The following ALK variants were observed in gnomAD, a reference collection of about 807,000 sequenced individuals.
ALK encodes the protein ALK receptor tyrosine kinase, also known as ALK tyrosine kinase receptor.
ALK carries 74 observed loss-of-function variants against 163.1 expected under a neutral mutation model. That is an observed-to-expected ratio of 0.45 (90% CI 0.38 to 0.55). The LOEUF (loss-of-function observed/expected upper bound fraction) is 0.55, where lower values mean the gene tolerates loss of function less well. Among genes scored for constraint, ALK ranks in the 20% least tolerant of loss-of-function variants. The pLI is 0.00. For synonymous variants in ALK, 960 were observed against 843.2 expected, an observed-to-expected ratio of 1.14 and a Z score of -2.40; for missense variants, 2,063 against 2,105.3, an observed-to-expected ratio of 0.98 and a Z score of 0.39.
At chr2:29,883,128 TAAAAGAAAAAAAGA>T (rs560293524) in intron 1 of ALK, among the ~76,000 whole-genome samples, 11 of 141,898 alleles carry the variant, frequency 7.8e-5, no homozygotes, top group African/African-American at 2.9e-4. Flanking sequence ...GAAGGGAAGG[TAAAAGAAAAAAAGA>T]AAAAGAAAAA....
chr2:29,723,179 C>A (rs1679470320), intron 1 of ALK, among the ~76,000 whole-genome samples: 1 of 152,226 alleles, frequency 6.6e-6, no homozygotes, highest in East Asian at 1.9e-4. Context: ...TCTCTAACCT[C>A]ATTTGCAACC....
chr2:29,500,110 T>C (rs1325492750), intron 4 of ALK, among the ~76,000 whole-genome samples: 4 of 151,984 alleles, frequency 2.6e-5, no homozygotes, highest in Non-Finnish European at 5.9e-5. Context: ...GATCCCAGAG[T>C]TCCTTGATGG....
chr2:29,685,372 G>A (rs772791261), intron 3 of ALK, among the ~76,000 whole-genome samples: 1 of 152,036 alleles, frequency 6.6e-6, no homozygotes, highest in South Asian at 2.1e-4. Context: ...AGGTGCTTTC[G>A]GTACTTCTTG....
intron 5 of ALK, among the ~76,000 whole-genome samples, chr2:29,338,929 A>C (rs1558681796): frequency 1.3e-5 from 2 of 152,220 alleles, no homozygotes; most frequent in African/African-American, 4.8e-5. Flanking sequence ...TGTGCCCAGC[A>C]CTGGGGTGAC....
intron 5 of ALK, among the ~76,000 whole-genome samples, chr2:29,359,243 G>C (rs1668331480): frequency 6.6e-6 from 1 of 152,244 alleles, no homozygotes; most frequent in African/African-American, 2.4e-5. Context: ...TTCCTGGATG[G>C]AGTCAAGGTT....
At chr2:29,209,542 CAAAAAAAA>C (rs76343130) in intron 25 of ALK, among the ~76,000 whole-genome samples, 2 of 80,162 alleles carry the variant, frequency 2.5e-5, no homozygotes, top group Non-Finnish European at 5.8e-5. Flanking sequence ...AACTCCGTCT[CAAAAAAAA>C]AAAAAAAAAA....
intron 1 of ALK, among the ~76,000 whole-genome samples, chr2:29,827,624 A>C (rs1665239038): frequency 6.6e-6 from 1 of 152,206 alleles, no homozygotes; most frequent in South Asian, 2.1e-4. Context: ...TAAGAAACTG[A>C]TTCCACAGCC....
At chr2:29,568,349 G>C (rs963398958) in intron 3 of ALK, among the ~76,000 whole-genome samples, 2 of 152,178 alleles carry the variant, frequency 1.3e-5, no homozygotes, top group Non-Finnish European at 1.5e-5. Flanking sequence ...TTTTGACAAC[G>C]GCATAGTGAC....
At chr2:29,455,209 C>A (rs943410061) in intron 4 of ALK, among the ~76,000 whole-genome samples, 2 of 152,122 alleles carry the variant, frequency 1.3e-5, no homozygotes, top group Non-Finnish European at 1.5e-5. Context: ...CAGGAGGTGG[C>A]GGGAACAGTG....
chr2:29,216,676 T>C (rs922254156), intron 23 of ALK, among the ~76,000 whole-genome samples: 1 of 26,864 alleles, frequency 3.7e-5, no homozygotes, highest in Non-Finnish European at 3.4e-4. Context: ...TGTGTATGTG[T>C]TGTGTATATG....
intron 4 of ALK, among the ~76,000 whole-genome samples, chr2:29,435,621 C>T (rs1030365514): frequency 2.7e-5 from 4 of 148,836 alleles, no homozygotes; most frequent in African/African-American, 7.5e-5. Context: ...TTCAAGGTCA[C>T]GGTGGTTTAA....
In ALK at chr2:29,491,911, T is replaced by A. The variant is rs529320906; in HGVS notation, c.1154+40004A>T. Among the ~76,000 whole-genome samples the A allele has an allele frequency of 1.3e-4, 20 of 152,336 alleles. 1 individual carries two copies. The highest frequency in any genetic ancestry group is 4.3e-4 in the African/African-American group (18 of 41,572). The stretch of plus-strand genomic sequence containing the variant: ...GGCACTTTTCACAGATGTCTAATGT[T>A]CTTAACTAACCACACTTAATTTAAT... On this transcript the variant is annotated intron_variant, in intron 4 of 28. Transcript: ENST00000389048.
chr2:29,280,143 C>A (rs149195528), intron 9 of ALK, among the ~76,000 whole-genome samples: 11 of 149,660 alleles, frequency 7.3e-5, no homozygotes, highest in African/African-American at 2.7e-4. Flanking sequence ...TATGAGGTGG[C>A]CCACTCTGGG....
chr2:29,695,100 CCTT>C, intron 2 of ALK, 86 bp from the exon 3 acceptor site: 1 of 1,455,282 alleles, frequency 6.9e-7, no homozygotes, highest in Middle Eastern at 2.0e-4. Context: ...AGGAGGTTGG[CCTT>C]CATCTCCCCA....
intron 1 of ALK, among the ~76,000 whole-genome samples, chr2:29,833,211 T>C (rs79937508): frequency 0.012 from 1,902 of 152,272 alleles, 18 homozygotes; most frequent in Middle Eastern, 0.031. Context: ...AGGTATCAGA[T>C]TGAAAGAACG....
intron 4 of ALK, among the ~76,000 whole-genome samples, chr2:29,440,424 C>T (rs1670511626): frequency 6.7e-6 from 1 of 149,286 alleles, no homozygotes; most frequent in Non-Finnish European, 1.5e-5. Context: ...TCAAGCAATT[C>T]TCCTGCCTCA....
intron 4 of ALK, among the ~76,000 whole-genome samples, chr2:29,516,731 C>T (rs1457547331): frequency 6.6e-6 from 1 of 152,210 alleles, no homozygotes; most frequent in Non-Finnish European, 1.5e-5. Flanking sequence ...TGTTACCTCA[C>T]AGGCCCATTG....
chr2:29,385,397 T>TC (rs1479566838), intron 4 of ALK, among the ~76,000 whole-genome samples: 1 of 151,458 alleles, frequency 6.6e-6, no homozygotes, highest in Non-Finnish European at 1.5e-5. Context: ...TTTTTTTTTT[T>TC]TTCTGTCTTG....
Position 29,763,715 on chromosome 2 carries a change from G to A in ALK, c.668-46018C>T, listed in dbSNP as rs537992648. On this transcript the variant is annotated intron_variant, in intron 1 of 28. Transcript: ENST00000389048. ...GCTGCCCCTTTCCTATCAGCTTTGAGGGTAGTGCTCCACACTTAGTTATGA... is the reference window on the plus strand; with the variant it reads ...GCTGCCCCTTTCCTATCAGCTTTGAAGGTAGTGCTCCACACTTAGTTATGA... 5.3e-5 allele frequency among the ~76,000 whole-genome samples: 8 copies of A among 152,214 alleles called. No individual in the cohort carries two copies. The South Asian group carries it at 1.5e-3, about 28-fold the overall frequency.
Sources: gnomAD v4.1 joint callset for allele counts (sites outside exome capture counted in the v4.1 genomes callset) on GRCh38, gnomAD v4.1.1 for gene constraint, MANE v1.5 for transcripts, NCBI Gene and HGNC (gene_info 2026-07-23, HGNC 2026-07-21) for gene names.